The following PLXDC2 variants were observed in gnomAD, a reference collection of about 807,000 sequenced individuals.
The protein encoded by PLXDC2 is plexin domain containing 2, also known as plexin domain-containing protein 2.
Under a neutral mutation model 68.9 loss-of-function variants are expected in PLXDC2, and 40 were observed. The observed-to-expected ratio is 0.58, with a 90% CI of 0.45 to 0.76. The LOEUF (loss-of-function observed/expected upper bound fraction) is 0.76, where lower values mean the gene tolerates loss of function less well. PLXDC2 is among the 30% of genes least tolerant of loss of function. The pLI is 0.00. For synonymous variants in PLXDC2, 243 were observed against 234.2 expected (o/e 1.04, Z -0.34); for missense variants, 644 against 661.9 (o/e 0.97, Z 0.30).
intron 13 of PLXDC2, among the ~76,000 whole-genome samples, chr10:20,246,979 C>T (rs1260872342): frequency 1.3e-5 from 2 of 152,004 alleles, no homozygotes; most frequent in African/African-American, 4.8e-5. Flanking sequence ...GAAGAAAGTG[C>T]CGTCTCCTTT....
At chr10:19,869,056 A>T (rs1029363529) in intron 1 of PLXDC2, among the ~76,000 whole-genome samples, 1 of 152,140 alleles carries the variant, frequency 6.6e-6, no homozygotes, top group Non-Finnish European at 1.5e-5. Context: ...TTAGAGTTAG[A>T]GAACTCAGGG....
chr10:20,154,082 A>C (rs1046577471), intron 6 of PLXDC2, among the ~76,000 whole-genome samples: 1 of 152,156 alleles, frequency 6.6e-6, no homozygotes. Context: ...TCTTAAATAC[A>C]TGGAGTTTGG....
intron 9 of PLXDC2, among the ~76,000 whole-genome samples, chr10:20,205,876 A>T (rs923304714): frequency 1.3e-5 from 2 of 152,080 alleles, no homozygotes; most frequent in Admixed American, 6.6e-5. Flanking sequence ...GTTTCTTGAG[A>T]TATATTGCAC....
At chr10:20,147,952 T>G in intron 6 of PLXDC2, 50 bp downstream of exon 6, 1 of 1,265,772 alleles carries the variant, frequency 7.9e-7, no homozygotes, top group Non-Finnish European at 1.2e-6. Context: ...TCTTGACTGC[T>G]GCCTTTCCTC....
At chr10:19,838,508 C>A (rs1287884402) in intron 1 of PLXDC2, among the ~76,000 whole-genome samples, 2 of 152,166 alleles carry the variant, frequency 1.3e-5, no homozygotes, top group East Asian at 3.9e-4. Flanking sequence ...TTGCTATAGT[C>A]TCCTTAAATT....
At chr10:19,827,559 TTTTTC>T (rs1836595623) in intron 1 of PLXDC2, among the ~76,000 whole-genome samples, 1 of 85,750 alleles carries the variant, frequency 1.2e-5, no homozygotes, top group South Asian at 3.1e-4. Context: ...TTTCTTTTTC[TTTTTC>T]TTTTTTTTTT....
chr10:20,274,823 A>G (rs1835984518), intron 13 of PLXDC2, among the ~76,000 whole-genome samples: 1 of 151,864 alleles, frequency 6.6e-6, no homozygotes, highest in Non-Finnish European at 1.5e-5. Flanking sequence ...CCCCATAGAT[A>G]CAATTGACAA....
At chr10:20,002,060 C>A in intron 2 of PLXDC2, 74 bp downstream of exon 2, 1 of 1,393,074 alleles carries the variant, frequency 7.2e-7, no homozygotes, top group Non-Finnish European at 9.8e-7. Context: ...TTTATATAGA[C>A]ATAAGTTGTC....
chr10:20,025,931 AT>A (rs138310484), intron 2 of PLXDC2, among the ~76,000 whole-genome samples: 18,966 of 151,948 alleles, frequency 0.12, 2,578 homozygotes, highest in African/African-American at 0.34. Context: ...ATTCTAAGCA[AT>A]TTGTATTCAC....
chr10:19,886,788 A>G (rs541947734), intron 1 of PLXDC2, among the ~76,000 whole-genome samples: 2 of 152,284 alleles, frequency 1.3e-5, no homozygotes, highest in Admixed American at 6.5e-5. Flanking sequence ...AATAAATAAG[A>G]TTTTTATGAG....
intron 6 of PLXDC2, among the ~76,000 whole-genome samples, chr10:20,159,542 G>C (rs993580903): frequency 6.6e-6 from 1 of 152,068 alleles, no homozygotes; most frequent in Non-Finnish European, 1.5e-5. Flanking sequence ...CTACAGTCTT[G>C]ATTTCCCAGC....
intron 1 of PLXDC2, among the ~76,000 whole-genome samples, chr10:19,946,550 G>T (rs77053665): frequency 6.6e-6 from 1 of 151,458 alleles, no homozygotes; most frequent in Non-Finnish European, 1.5e-5. Flanking sequence ...ATCCTGGATT[G>T]ATCTAGTGGG....
chr10:19,971,086 T>C (rs577514022), intron 1 of PLXDC2, among the ~76,000 whole-genome samples: 15 of 152,184 alleles, frequency 9.9e-5, no homozygotes, highest in Non-Finnish European at 1.8e-4. Context: ...TGATTTTAGA[T>C]ATGATTTAAT....
At chr10:19,915,862 A>AAAAG (rs1554844799) in intron 1 of PLXDC2, among the ~76,000 whole-genome samples, 29 of 150,006 alleles carry the variant, frequency 1.9e-4, no homozygotes, top group Non-Finnish European at 3.7e-4. Flanking sequence ...AACCAAAAAA[A>AAAAG]AAGAAGAAGA....
At chr10:20,175,421 C>A (rs1474195725) in intron 7 of PLXDC2, among the ~76,000 whole-genome samples, 3 of 152,206 alleles carry the variant, frequency 2.0e-5, no homozygotes, top group Admixed American at 2.0e-4. Flanking sequence ...GTGGCTCACA[C>A]CTGTAATCTC....
intron 1 of PLXDC2, among the ~76,000 whole-genome samples, chr10:19,887,436 C>T (rs1004465714): frequency 6.6e-6 from 1 of 152,060 alleles, no homozygotes; most frequent in Non-Finnish European, 1.5e-5. Flanking sequence ...GCAGGAGAAT[C>T]GCTTGAACCC....
At chr10:20,228,843 A>C (rs369544812) in intron 12 of PLXDC2, among the ~76,000 whole-genome samples, 120 of 152,312 alleles carry the variant, frequency 7.9e-4, no homozygotes, top group African/African-American at 2.8e-3. Flanking sequence ...GAACAGTGTC[A>C]ATGCTGCAGA....
chr10:20,116,295 C>T (rs1377456653), intron 4 of PLXDC2, among the ~76,000 whole-genome samples: 2 of 152,130 alleles, frequency 1.3e-5, no homozygotes, highest in South Asian at 4.1e-4. Context: ...ATTGAAGCTG[C>T]ACTTGGAAGG....
intron 2 of PLXDC2, among the ~76,000 whole-genome samples, chr10:20,015,222 G>A (rs1000273560): frequency 1.3e-5 from 2 of 152,170 alleles, no homozygotes; most frequent in Non-Finnish European, 2.9e-5. Context: ...TGCAAAATTA[G>A]GAACTCAAGA....
Sources: allele counts gnomAD v4.1 joint callset (sites outside exome capture counted in the v4.1 genomes callset), GRCh38; gene constraint gnomAD v4.1.1; transcripts MANE v1.5; gene names NCBI Gene and HGNC (gene_info 2026-07-23, HGNC 2026-07-21).